Variants in FUNDC2 observed in about 807,000 individuals in gnomAD.
FUNDC2 encodes FUN14 domain-containing protein 2.
In FUNDC2, 4 loss-of-function variants were observed where a neutral mutation model predicts 15.6. The observed-to-expected ratio is 0.26, with a 90% CI of 0.13 to 0.59. The LOEUF is 0.59. Among genes scored for constraint, FUNDC2 ranks in the 20% least tolerant of loss-of-function variants. The pLI is 0.90. For synonymous variants in FUNDC2, 44 were observed against 56.9 expected, an observed-to-expected ratio of 0.77 and a Z score of 1.02; for missense variants, 98 against 149.7, an observed-to-expected ratio of 0.65 and a Z score of 1.80.
At position 155,055,683 on chromosome X, in the gene FUNDC2, A is replaced by G. The variant is rs2073892567; in HGVS notation, c.*1011A>G. On this transcript the variant is annotated 3_prime_UTR_variant, in exon 5 of 5. Transcript: ENST00000369498. ...ACAGAATCTTACCACATTTTGCTGTAGTGGCATGTTACCATGTCTACAGTC... is the reference window on the plus strand; with the variant it reads ...ACAGAATCTTACCACATTTTGCTGTGGTGGCATGTTACCATGTCTACAGTC... The G allele has an allele frequency of 7.1e-6, 1 of 141,439 alleles. No individual in the cohort carries two copies. The highest frequency in any genetic ancestry group is 1.4e-5 in the Non-Finnish European group (1 of 72,670). 11.7% of individuals were successfully genotyped at this position (141,439 alleles called of 1,213,427 possible).
At chrX:155,042,175 CTTTTTTTTT>C (rs1175079092) in intron 2 of FUNDC2, among the ~76,000 whole-genome samples, 3 of 39,187 alleles carry the variant, frequency 7.7e-5, no homozygotes, top group African/African-American at 1.3e-4. Flanking sequence ...CTTTTTCTAT[CTTTTTTTTT>C]TTTTTTTTTT....
chrX:155,038,131 G>A (rs2124189564), intron 2 of FUNDC2, among the ~76,000 whole-genome samples: 1 of 109,936 alleles, frequency 9.1e-6, no homozygotes, highest in East Asian at 2.9e-4. Context: ...GGAGGCTGAG[G>A]TGGGAGGATG....
intron 2 of FUNDC2, among the ~76,000 whole-genome samples, chrX:155,033,819 CTATCCTCATTTTA>C (rs1355305187): frequency 8.9e-6 from 1 of 112,164 alleles, no homozygotes; most frequent in Non-Finnish European, 1.9e-5. Flanking sequence ...CTGTTATTTT[CTATCCTCATTTTA>C]TAGAAACTGA....
chrX:155,050,909 G>A (rs1334885954), intron 3 of FUNDC2: 1 of 112,118 alleles, frequency 8.9e-6, no homozygotes, highest in Admixed American at 9.4e-5. Context: ...CCTAGAGGAA[G>A]AGCAACAATG....
rs782208365 is a variant in FUNDC2, at chrX:155,057,760, G to C, written c.*3088G>C. ...AGCGTCTCTCCCGCAATGGGACCTG[G>C]TGGGATGGGGACTTGGAGCATGCTA... On this transcript the variant is annotated 3_prime_UTR_variant, in exon 5 of 5. Transcript: ENST00000369498. 1 of 111,537 alleles carries C rather than the reference G, an allele frequency of 9.0e-6. No homozygotes were observed. Among genetic ancestry groups the C allele is most frequent in the East Asian group, 2.8e-4 (1 of 3,540 alleles). 9.2% of individuals were successfully genotyped at this position (111,537 alleles called of 1,213,427 possible).
chrX:155,051,551 G>A lies in FUNDC2; in HGVS notation c.361-119G>A, dbSNP rs782419758. 1.6e-5 allele frequency: 12 copies of A among 740,227 alleles called. No homozygotes were observed. In the East Asian group the frequency reaches 4.2e-4, roughly 26 times the overall value. The allele number at this position is 740,227 out of a possible 1,213,427, so 61.0% of individuals were successfully genotyped here. A position where few individuals can be genotyped will look rare whatever the true frequency, so the allele number is the denominator to read the frequency against. On this transcript the variant is annotated intron_variant, in intron 3 of 4. Coordinates refer to ENST00000369498, the MANE Select transcript of FUNDC2 (RefSeq NM_023934.4). ...TCATGATACAAAGAATCAAATGGCAGATGTCTCCAAAAATGGAAAGTCAGA... is the reference window on the plus strand; with the variant it reads ...TCATGATACAAAGAATCAAATGGCAAATGTCTCCAAAAATGGAAAGTCAGA...
At chrX:155,047,732 C>T (rs1238654167) in intron 3 of FUNDC2, among the ~76,000 whole-genome samples, 2 of 110,699 alleles carry the variant, frequency 1.8e-5, no homozygotes, top group African/African-American at 3.3e-5. Context: ...TATTTCCCCC[C>T]TGTCCATAGT....
chrX:155,034,229 A>T (rs974602682), intron 2 of FUNDC2, among the ~76,000 whole-genome samples: 1 of 112,807 alleles, frequency 8.9e-6, no homozygotes, highest in Non-Finnish European at 1.9e-5. Context: ...AACACCAGTT[A>T]TGTCACTAAA....
At chrX:155,035,090 G>A (rs1280703819) in intron 2 of FUNDC2, among the ~76,000 whole-genome samples, 2 of 111,480 alleles carry the variant, frequency 1.8e-5, no homozygotes, top group Non-Finnish European at 3.8e-5. Context: ...AACCTTAATG[G>A]TTAGTGATTT....
chrX:155,036,321 T>C (rs2073830625), intron 2 of FUNDC2, among the ~76,000 whole-genome samples: 1 of 112,840 alleles, frequency 8.9e-6, no homozygotes, highest in Non-Finnish European at 1.9e-5. Context: ...TGATGACTTA[T>C]TTGTTCAAAT....
intron 4 of FUNDC2, among the ~76,000 whole-genome samples, chrX:155,053,055 G>A (rs111262877): frequency 0.03 from 3,330 of 111,667 alleles, 38 homozygotes; most frequent in African/African-American, 0.037. Flanking sequence ...TTTTTGGAGA[G>A]ACAGGGTCTC....
chrX:155,055,928 C>G lies in FUNDC2; in HGVS notation c.*1256C>G, dbSNP rs1426045567. 1.8e-5 allele frequency: 2 copies of G among 112,164 alleles called. No homozygotes were observed. The highest frequency in any genetic ancestry group is 6.5e-5 in the African/African-American group (2 of 30,843). The allele number at this position is 112,164 out of a possible 1,213,427, so 9.2% of individuals were successfully genotyped here. ...AAGGCCATACATTTAAAAATGTTTGCATTTTAACCCGTCTTGAGAATGATG... is the reference window on the plus strand; with the variant it reads ...AAGGCCATACATTTAAAAATGTTTGGATTTTAACCCGTCTTGAGAATGATG... On this transcript the variant is annotated 3_prime_UTR_variant, in exon 5 of 5. Transcript: ENST00000369498.
Position 155,054,719 on chromosome X carries a change from G to A in FUNDC2, c.*47G>A, listed in dbSNP as rs782808925. The A allele has an allele frequency of 3.8e-6, 4 of 1,041,808 alleles. No homozygotes were observed. Among genetic ancestry groups the A allele is most frequent in the African/African-American group, 3.7e-5 (2 of 53,628 alleles). The allele number at this position is 1,041,808 out of a possible 1,213,427, so 85.9% of individuals were successfully genotyped here. The stretch of plus-strand genomic sequence containing the variant: ...TGTTCCTGGTTTTTTCCAGCCAGCA[G>A]CCTCTACACTCCATCATAGGACATC... On this transcript the variant is annotated 3_prime_UTR_variant, in exon 5 of 5. Coordinates refer to ENST00000369498, the MANE Select transcript of FUNDC2 (RefSeq NM_023934.4).
chrX:155,044,875 A>G (rs2073857676), intron 2 of FUNDC2, among the ~76,000 whole-genome samples: 1 of 112,205 alleles, frequency 8.9e-6, no homozygotes, highest in Non-Finnish European at 1.9e-5. Context: ...CCCCAAGGAA[A>G]TGAAATCACC....
intron 2 of FUNDC2, among the ~76,000 whole-genome samples, chrX:155,035,847 A>G (rs1291787845): frequency 8.9e-6 from 1 of 111,902 alleles, no homozygotes; most frequent in Admixed American, 9.5e-5. Context: ...TCAACAGTTC[A>G]TTCCTTTTTA....
chrX:155,057,044 CTAGTATGAGA>C lies in FUNDC2; in HGVS notation c.*2373_*2382del, dbSNP rs2073906889. The C allele has an allele frequency of 1.0e-5, 1 of 95,441 alleles. No individual in the cohort carries two copies. Among genetic ancestry groups the C allele is most frequent in the African/African-American group, 3.8e-5 (1 of 26,143 alleles). The allele number at this position is 95,441 out of a possible 1,213,427, so 7.9% of individuals were successfully genotyped here. On this transcript the variant is annotated 3_prime_UTR_variant, in exon 5 of 5. Transcript: ENST00000369498. ...AGTATTGCAGGTTGGCCTCATCCTG[CTAGTATGAGA>C]ACGGCTGTGAGTTCTGCCCACGGTG...
chrX:155,056,656 C>A lies in FUNDC2; in HGVS notation c.*1984C>A. The A allele has an allele frequency of 9.0e-6, 1 of 110,842 alleles. No homozygotes were observed. The highest frequency in any genetic ancestry group is 1.9e-5 in the Non-Finnish European group (1 of 52,975). The allele number at this position is 110,842 out of a possible 1,213,427, so 9.1% of individuals were successfully genotyped here. Reference sequence around the variant, plus strand: ...CTGACATCTGGGTCTCTGGGTTATGCCATATATGGTGATAGTGGCTGCAGC... The same window carrying A: ...CTGACATCTGGGTCTCTGGGTTATGACATATATGGTGATAGTGGCTGCAGC... On this transcript the variant is annotated 3_prime_UTR_variant, in exon 5 of 5. Transcript: ENST00000369498.
chrX:155,054,296 TTTGTCCTTGATTCAAAGAGCCA>T, intron 4 of FUNDC2: 1 of 754,144 alleles, frequency 1.3e-6, no homozygotes, highest in Non-Finnish European at 1.6e-6. Context: ...ACTCTCCTTC[TTTGTCCTTGATTCAAAGAGCCA>T]TTGTCTCTAC....
At chrX:155,052,947 T>C (rs1852994734) in intron 4 of FUNDC2, among the ~76,000 whole-genome samples, 1 of 112,558 alleles carries the variant, frequency 8.9e-6, no homozygotes, top group South Asian at 3.6e-4. Context: ...GGCACAGTCA[T>C]GGCTCACTGT....
Sources: gnomAD v4.1 joint callset for allele counts (sites outside exome capture counted in the v4.1 genomes callset) on GRCh38, gnomAD v4.1.1 for gene constraint, MANE v1.5 for transcripts, NCBI Gene and HGNC (gene_info 2026-07-23, HGNC 2026-07-21) for gene names.